RB1CC1: variants seen among roughly 807,000 people sequenced by gnomAD.
RB1CC1 encodes the protein RB1-inducible coiled-coil protein 1.
In RB1CC1, 46 loss-of-function variants were observed where a neutral mutation model predicts 177.5. The ratio of observed to expected loss-of-function variants is 0.26; its 90% CI spans 0.20 to 0.33. The LOEUF is 0.33. RB1CC1 is among the 10% of genes least tolerant of loss of function. RB1CC1 has a pLI of 1.00. For synonymous variants in RB1CC1, 666 were observed against 613.6 expected, an observed-to-expected ratio of 1.09 and a Z score of -1.26; for missense variants, 1,703 against 1,816.3, an observed-to-expected ratio of 0.94 and a Z score of 1.13.
chr8:52,706,001 G>A (rs1486201503), intron 1 of RB1CC1, among the ~76,000 whole-genome samples: 1 of 152,116 alleles, frequency 6.6e-6, no homozygotes, highest in East Asian at 1.9e-4. Context: ...GAGGACATAT[G>A]TATATGCAAG....
intron 1 of RB1CC1, among the ~76,000 whole-genome samples, chr8:52,690,925 C>T (rs1854794764): frequency 6.6e-6 from 1 of 152,104 alleles, no homozygotes; most frequent in Admixed American, 6.5e-5. Flanking sequence ...TCCCTTTATC[C>T]ATAAATACTT....
intron 18 of RB1CC1, among the ~76,000 whole-genome samples, chr8:52,640,331 A>G (rs1849463509): frequency 6.6e-6 from 1 of 152,180 alleles, no homozygotes; most frequent in African/African-American, 2.4e-5. Context: ...TTTGGTGTTC[A>G]ATAATGTACT....
chr8:52,683,203 T>C (rs892088321), intron 5 of RB1CC1, among the ~76,000 whole-genome samples: 6 of 152,076 alleles, frequency 3.9e-5, no homozygotes, highest in African/African-American at 1.4e-4. Context: ...ATGGAAAAAA[T>C]AAATACATTT....
intron 15 of RB1CC1, among the ~76,000 whole-genome samples, chr8:52,651,902 A>C (rs1850620919): frequency 6.6e-6 from 1 of 152,222 alleles, no homozygotes; most frequent in African/African-American, 2.4e-5. Context: ...ATAAATGTTA[A>C]GATTATGAGA....
At chr8:52,698,523 C>G (rs1412051817) in intron 1 of RB1CC1, among the ~76,000 whole-genome samples, 2 of 151,712 alleles carry the variant, frequency 1.3e-5, no homozygotes, top group Non-Finnish European at 2.9e-5. Context: ...CTGTGTTAGC[C>G]AGGGTGGTCT....
chr8:52,636,225 T>C (rs1590928021), intron 18 of RB1CC1, among the ~76,000 whole-genome samples, 156 bp from the exon 19 acceptor site: 1 of 152,212 alleles, frequency 6.6e-6, no homozygotes, highest in Admixed American at 6.5e-5. Flanking sequence ...GTAATTTCAA[T>C]GTTGTATATT....
intron 5 of RB1CC1, 68 bp downstream of exon 5, chr8:52,683,481 G>T: frequency 1.5e-6 from 2 of 1,309,330 alleles, no homozygotes; most frequent in South Asian, 2.2e-5. Flanking sequence ...ATGCAATTTA[G>T]ACTACTGTGC....
rs1390032605 is a variant in RB1CC1 at position 52,683,719 on chromosome 8, C to T, written c.199G>A (p.Asp67Asn). ...TTAAAAAGAAAAATTGGATTTGTAT[C>T]CTATATTTTTTAAAAAAGGAGAAAT... is the stretch of plus-strand genomic sequence containing the variant. Reference protein sequence around the residue: ...RRVCTYSAGTDTNPIFLFNKE... With the variant: ...RRVCTYSAGTNTNPIFLFNKE... The change falls in exon 5 of 24, where the codon GAT becomes AAT. Residue 67 changes from aspartate (D) to asparagine (N), a missense_variant and splice_region_variant. Coordinates refer to ENST00000025008, the MANE Select transcript of RB1CC1 (RefSeq NM_014781.5). 1.3e-6 allele frequency: 2 copies of T among 1,570,692 alleles called. No individual in the cohort carries two copies. The highest frequency in any genetic ancestry group is 1.7e-6 in the Non-Finnish European group (2 of 1,159,140).
At chr8:52,633,502 A>C (rs540455064) in intron 20 of RB1CC1, among the ~76,000 whole-genome samples, 13 of 152,214 alleles carry the variant, frequency 8.5e-5, no homozygotes, top group African/African-American at 2.9e-4. Context: ...TTCACAGTAT[A>C]ATCACTACAA....
chr8:52,657,517 G>A lies in RB1CC1; in HGVS notation c.2312C>T (p.Ala771Val), dbSNP rs753833588. ...VESLYSSVIN[A>V]IDSRRMQDTN... ...ATCCTGCATTCGTCTACTGTCTATC[G>A]CATTGATAACTGATGAATAAAGTGA... Residue 771 changes from alanine to valine, a missense_variant, in exon 15 of 24, where the codon GCG (alanine) becomes GTG (valine). Around this residue, in one of 6 missense-constraint regions of RB1CC1, gnomAD observed 1,169 missense variants for 1,184.7 expected, o/e 0.99. Coordinates refer to ENST00000025008, the MANE Select transcript of RB1CC1 (RefSeq NM_014781.5). 4 of 1,613,834 alleles carry A rather than the reference G, an allele frequency of 2.5e-6. No homozygotes were observed. The highest frequency in any genetic ancestry group is 2.2e-5 in the East Asian group (1 of 44,868).
chr8:52,710,885 T>C (rs111623678), intron 1 of RB1CC1, among the ~76,000 whole-genome samples: 26 of 152,298 alleles, frequency 1.7e-4, no homozygotes, highest in East Asian at 7.7e-4. Flanking sequence ...AGCCGTTATA[T>C]TACTGTAATA....
At chr8:52,649,551 A>T (rs764765142) in intron 15 of RB1CC1, among the ~76,000 whole-genome samples, 15 of 152,120 alleles carry the variant, frequency 9.9e-5, no homozygotes, top group Non-Finnish European at 2.1e-4. Context: ...CTCTTCTATC[A>T]CTTGAACCCT....
At chr8:52,638,757 T>C (rs1045181328) in intron 18 of RB1CC1, among the ~76,000 whole-genome samples, 6 of 152,152 alleles carry the variant, frequency 3.9e-5, no homozygotes, top group Non-Finnish European at 8.8e-5. Flanking sequence ...TCATTTTGTT[T>C]ATATATACAA....
At position 52,714,105 on chromosome 8, in the gene RB1CC1, G is replaced by C. The variant is rs1250849602; in HGVS notation, c.-197C>G. The C allele has an allele frequency of 1.1e-5, 4 of 351,416 alleles. No homozygotes were observed. The highest frequency in any genetic ancestry group is 2.3e-5 in the Non-Finnish European group (4 of 173,918). The allele number at this position is 351,416 out of a possible 1,614,324, so 21.8% of individuals were successfully genotyped here. On this transcript the variant is annotated 5_prime_UTR_variant, in exon 1 of 24. Transcript: ENST00000025008. ...AACGCCTCCTCCTTCGCCGGCGGCA[G>C]CAGCAGAGCCAGCGACCCCCGGCAC...
At chr8:52,694,391 C>A (rs1172087107) in intron 1 of RB1CC1, among the ~76,000 whole-genome samples, 1 of 152,182 alleles carries the variant, frequency 6.6e-6, no homozygotes, top group Non-Finnish European at 1.5e-5. Context: ...CCTGTGGATC[C>A]GGAGACAGTC....
chr8:52,629,357 A>C (rs1848602801), intron 21 of RB1CC1, among the ~76,000 whole-genome samples: 1 of 152,254 alleles, frequency 6.6e-6, no homozygotes, highest in African/African-American at 2.4e-5. Context: ...CCATTTAAAT[A>C]ACCAAAGCTA....
At chr8:52,659,325 AT>A (rs1334123931) in intron 12 of RB1CC1, among the ~76,000 whole-genome samples, 4 of 152,118 alleles carry the variant, frequency 2.6e-5, no homozygotes, top group African/African-American at 9.7e-5. Context: ...TATATATAAT[AT>A]TTACCATGTT....
intron 12 of RB1CC1, among the ~76,000 whole-genome samples, chr8:52,659,834 T>C (rs1851457822): frequency 6.6e-6 from 1 of 152,142 alleles, no homozygotes; most frequent in African/African-American, 2.4e-5. Flanking sequence ...CCGTCTCTAC[T>C]AAAATACAAA....
At position 52,657,739 on chromosome 8, in the gene RB1CC1, G is replaced by A. The variant is rs767757046; in HGVS notation, c.2090C>T (p.Ala697Val). ...AATAGTTTCAAAATCAAACGTATGT[G>A]CATCAATACTATCTGGAGATAATTC... ...LEELSPDSID[A>V]HTFDFETIPH... Residue 697 changes from alanine to valine, a missense_variant, in exon 15 of 24, where the codon GCA (alanine) becomes GTA (valine). Transcript: ENST00000025008. 5.6e-6 allele frequency: 9 copies of A among 1,613,888 alleles called. No individual in the cohort carries two copies. The highest frequency in any genetic ancestry group is 1.1e-5 in the South Asian group (1 of 91,070).
Sources: gnomAD v4.1 joint callset for allele counts (sites outside exome capture counted in the v4.1 genomes callset) on GRCh38, gnomAD v4.1.1 for gene constraint, gnomAD v4.1.1 regional missense constraint, MANE v1.5 for transcripts, NCBI Gene and HGNC (gene_info 2026-07-23, HGNC 2026-07-21) for gene names.